NEB: variants seen among roughly 807,000 people sequenced by gnomAD.
The protein encoded by NEB is nebulin.
A neutral mutation model predicts 952.2 loss-of-function variants in NEB; 512 were observed. The observed-to-expected ratio is 0.54, with a 90% CI of 0.50 to 0.58. The LOEUF (loss-of-function observed/expected upper bound fraction) is 0.58, where lower values mean the gene tolerates loss of function less well. Ranked by LOEUF, NEB falls within the 20% of genes least tolerant of loss-of-function variation. The pLI, the probability that NEB is intolerant of heterozygous loss-of-function variation, is 0.00. For missense variants in NEB, 8,428 were observed against 9,231.1 expected (o/e 0.91, Z 3.56); for synonymous variants, 2,900 against 3,149.8 (o/e 0.92, Z 2.66).
intron 165 of NEB, among the ~76,000 whole-genome samples, chr2:151,504,450 A>G (rs1211592412): frequency 1.3e-5 from 2 of 152,216 alleles, no homozygotes; most frequent in Non-Finnish European, 2.9e-5. Flanking sequence ...AGCTTTCTCA[A>G]CTCTTATTAG....
chr2:151,621,081 A>G (rs1030604188), intron 71 of NEB, 55 bp from the exon 72 acceptor site: 2 of 1,425,874 alleles, frequency 1.4e-6, no homozygotes, highest in Non-Finnish European at 9.7e-7. Flanking sequence ...CTCGAAAAGT[A>G]TATTTTCTGC....
At chr2:151,569,674 C>A (rs1209881421) in intron 109 of NEB, among the ~76,000 whole-genome samples, 1 of 152,092 alleles carries the variant, frequency 6.6e-6, no homozygotes, top group Non-Finnish European at 1.5e-5. Context: ...GACATTTGTA[C>A]ACAAAAATTT....
intron 136 of NEB, 74 bp downstream of exon 136, chr2:151,541,373 G>T: frequency 9.0e-7 from 1 of 1,113,694 alleles, no homozygotes; most frequent in South Asian, 1.5e-5. Flanking sequence ...TCTGCCACTG[G>T]CCAGGTGAGG....
intron 137 of NEB, 114 bp from the exon 138 acceptor site, chr2:151,540,562 G>T: frequency 9.0e-7 from 1 of 1,105,864 alleles, no homozygotes; most frequent in Non-Finnish European, 1.3e-6. Flanking sequence ...TAAGAGAATA[G>T]CTCTGCCTTT....
chr2:151,627,726 T>C lies in NEB; in HGVS notation c.9940A>G (p.Ser3314Gly). ...MWSMHVAKIQ[S>G]DREYKKDFEK... is the part of the protein sequence containing the mutation. ...AAGTCCTTCTTATACTCCCTGTCACTCTGGATCTTGGCCACATGCATGGAC... is the reference window on the plus strand; with the variant it reads ...AAGTCCTTCTTATACTCCCTGTCACCCTGGATCTTGGCCACATGCATGGAC... The change falls in exon 69 of 182, where the codon AGT becomes GGT. Residue 3314 changes from serine (S) to glycine (G), a missense_variant. Ser to Gly is a moderately conservative substitution (Grantham distance 56). Around this residue, in one of 11 missense-constraint regions of NEB, gnomAD observed 1,772 missense variants for 1,960.3 expected, o/e 0.90. Coordinates refer to ENST00000397345, the MANE Select transcript of NEB (RefSeq NM_001164508.2). 3 of 1,613,996 alleles carry C rather than the reference T, an allele frequency of 1.9e-6. No individual in the cohort carries two copies. Among genetic ancestry groups the C allele is most frequent in the Non-Finnish European group, 2.5e-6 (3 of 1,179,886 alleles).
In NEB at chr2:151,650,902, C is replaced by CA. The variant is rs769179661; in HGVS notation, c.6916-18dup. The stretch of plus-strand genomic sequence containing the variant: ...GTATTTATACTGAAATCAGAGAAAA[C>CA]ACAGCTCTTTTAGTACACAAAGGCC... On this transcript the variant is annotated splice_polypyrimidine_tract_variant and intron_variant, in intron 52 of 181. Transcript: ENST00000397345. 8 of 1,590,594 alleles carry CA rather than the reference C, an allele frequency of 5.0e-6. No homozygotes were observed. The highest frequency in any genetic ancestry group is 6.9e-6 in the Non-Finnish European group (8 of 1,167,392).
At chr2:151,707,873 TCCACAGAGCATCACGACAGTATGCTA>T (rs1332799175) in intron 12 of NEB, among the ~76,000 whole-genome samples, 1 of 152,138 alleles carries the variant, frequency 6.6e-6, no homozygotes, top group Non-Finnish European at 1.5e-5. Context: ...CCCCTCAGCC[TCCACAGAGCATCACGACAGTATGCTA>T]CAGTAATGGG....
At chr2:151,624,684 T>G (rs2098484587) in intron 71 of NEB, among the ~76,000 whole-genome samples, 1 of 152,136 alleles carries the variant, frequency 6.6e-6, no homozygotes, top group African/African-American at 2.4e-5. Flanking sequence ...TACTTAAATT[T>G]TTCAGTGCTC....
At chr2:151,705,341 C>T (rs992093781) in intron 13 of NEB, among the ~76,000 whole-genome samples, 1 of 152,086 alleles carries the variant, frequency 6.6e-6, no homozygotes. Flanking sequence ...GTAAATGATG[C>T]TATTCATGTT....
chr2:151,635,266 A>C (rs937593575), intron 64 of NEB, among the ~76,000 whole-genome samples: 3 of 152,204 alleles, frequency 2.0e-5, no homozygotes, highest in African/African-American at 7.2e-5. Context: ...GGAGGGTCCA[A>C]CATACATAAA....
intron 35 of NEB, among the ~76,000 whole-genome samples, chr2:151,674,842 G>C (rs904145067): frequency 1.3e-5 from 2 of 152,250 alleles, no homozygotes; most frequent in Non-Finnish European, 1.5e-5. Context: ...AACAAATAAA[G>C]GTTCTGGAAA....
At chr2:151,551,909 A>C (rs561450014) in intron 128 of NEB, 64 bp from the exon 129 acceptor site, 2 of 1,149,132 alleles carry the variant, frequency 1.7e-6, no homozygotes, top group Non-Finnish European at 2.5e-6. Context: ...TCTTTAAAAA[A>C]AATAACGGTA....
intron 84 of NEB, among the ~76,000 whole-genome samples, chr2:151,605,538 T>C (rs1438897897): frequency 3.3e-5 from 4 of 122,244 alleles, no homozygotes; most frequent in Admixed American, 1.1e-4. Flanking sequence ...ATCTGATGAG[T>C]GTCTCAGGAC....
chr2:151,661,867 G>A (rs886332367), intron 46 of NEB, among the ~76,000 whole-genome samples: 1 of 152,108 alleles, frequency 6.6e-6, no homozygotes, highest in African/African-American at 2.4e-5. Flanking sequence ...AGACAAACAG[G>A]ACTCATTTTC....
chr2:151,494,320 T>C, intron 173 of NEB, 67 bp from the exon 174 acceptor site: 1 of 1,076,104 alleles, frequency 9.3e-7, no homozygotes, highest in South Asian at 1.4e-5. Flanking sequence ...AAAAAGGAAA[T>C]GGTACAGATA....
At chr2:151,680,328 T>G (rs2148624549) in intron 30 of NEB, among the ~76,000 whole-genome samples, 1 of 151,982 alleles carries the variant, frequency 6.6e-6, no homozygotes, top group East Asian at 1.9e-4. Context: ...TATTATATTT[T>G]GTGGGCAATT....
chr2:151,537,462 A>G (rs2093373488), intron 140 of NEB, among the ~76,000 whole-genome samples: 1 of 152,184 alleles, frequency 6.6e-6, no homozygotes, highest in Non-Finnish European at 1.5e-5. Context: ...AAGCAATTCA[A>G]ATTTAACAGG....
At chr2:151,542,300 T>A (rs2094169324) in intron 135 of NEB, among the ~76,000 whole-genome samples, 1 of 152,084 alleles carries the variant, frequency 6.6e-6, no homozygotes, top group Non-Finnish European at 1.5e-5. Context: ...CCCAGTACAT[T>A]CTCCCGGGGT....
At chr2:151,515,759 A>C (rs2153346126) in intron 157 of NEB, among the ~76,000 whole-genome samples, 1 of 152,348 alleles carries the variant, frequency 6.6e-6, no homozygotes, top group African/African-American at 2.4e-5. Flanking sequence ...TCCTTTACTC[A>C]GATTGACCAA....
Sources: allele counts gnomAD v4.1 joint callset (sites outside exome capture counted in the v4.1 genomes callset), GRCh38; gene constraint gnomAD v4.1.1; regional missense constraint gnomAD v4.1.1; transcripts MANE v1.5; gene names NCBI Gene and HGNC (gene_info 2026-07-23, HGNC 2026-07-21).